The following KIAA1671 variants were observed in gnomAD, a reference collection of about 807,000 sequenced individuals.
The protein encoded by KIAA1671 is uncharacterized protein KIAA1671.
KIAA1671 carries 52 observed loss-of-function variants against 131.2 expected under a neutral mutation model. That is an observed-to-expected ratio of 0.40 (90% CI 0.32 to 0.50). KIAA1671 has a LOEUF of 0.50. Among genes scored for constraint, KIAA1671 ranks in the 20% least tolerant of loss-of-function variants. KIAA1671 has a pLI of 0.73. For missense variants in KIAA1671, 2,360 were observed against 2,364.2 expected, an observed-to-expected ratio of 1.00 and a Z score of 0.04; for synonymous variants, 1,003 against 961.6, an observed-to-expected ratio of 1.04 and a Z score of -0.80.
chr22:25,022,007 C>T (rs1191808081), intron 1 of KIAA1671, among the ~76,000 whole-genome samples: 10 of 152,086 alleles, frequency 6.6e-5, no homozygotes, highest in African/African-American at 2.4e-4. Context: ...ATCTCCTGAC[C>T]TCGTGATCTG....
chr22:24,976,546 C>A (rs1390505716), intron 1 of KIAA1671, among the ~76,000 whole-genome samples: 1 of 152,180 alleles, frequency 6.6e-6, no homozygotes, highest in Non-Finnish European at 1.5e-5. Context: ...CTGGGTGAGG[C>A]TCGAACACCC....
chr22:25,189,535 G>C (rs902802843), intron 11 of KIAA1671, among the ~76,000 whole-genome samples: 7 of 152,038 alleles, frequency 4.6e-5, no homozygotes, highest in African/African-American at 1.7e-4. Context: ...TATCACGGAG[G>C]GTAGTCTGTG....
At chr22:25,020,524 A>T (rs1233209390) in intron 1 of KIAA1671, among the ~76,000 whole-genome samples, 1 of 152,160 alleles carries the variant, frequency 6.6e-6, no homozygotes, top group Admixed American at 6.5e-5. Flanking sequence ...AGATATAGCC[A>T]TGAACAGGAC....
intron 1 of KIAA1671, among the ~76,000 whole-genome samples, chr22:24,975,880 CT>C (rs575977623): frequency 4.6e-4 from 70 of 152,304 alleles, no homozygotes; most frequent in African/African-American, 1.5e-3. Flanking sequence ...GGGGATGCTG[CT>C]GACTCACCAG....
chr22:25,157,982 C>T (rs1334707140), intron 6 of KIAA1671, among the ~76,000 whole-genome samples: 5 of 152,000 alleles, frequency 3.3e-5, no homozygotes, highest in African/African-American at 9.7e-5. Context: ...CCACCACGCC[C>T]GGCTAATTTT....
intron 6 of KIAA1671, among the ~76,000 whole-genome samples, chr22:25,116,989 T>G (rs1931697005): frequency 6.6e-6 from 1 of 152,184 alleles, no homozygotes; most frequent in African/African-American, 2.4e-5. Context: ...CATAATTGTT[T>G]ATGGCTGTGG....
intron 7 of KIAA1671, 34 bp from the exon 8 acceptor site, chr22:25,174,206 T>C (rs1374467729): frequency 2.3e-5 from 35 of 1,548,760 alleles, no homozygotes; most frequent in Non-Finnish European, 2.9e-5. Flanking sequence ...ACGTTCTCCA[T>C]AACCATGTCT....
rs1925914003 is a variant in KIAA1671, at chr22:25,025,725, T to C, written c.-115T>C. 6.6e-6 allele frequency: 1 copy of C among 152,180 alleles called. No individual in the cohort carries two copies. Among genetic ancestry groups the C allele is most frequent in the Non-Finnish European group, 1.5e-5 (1 of 68,060 alleles). The allele number at this position is 152,180 out of a possible 1,614,324, so 9.4% of individuals were successfully genotyped here. On this transcript the variant is annotated 5_prime_UTR_variant, in exon 2 of 13. An upstream start codon of the reference 5' UTR is lost. Transcript: ENST00000358431. ...GTGGACAGCCCCATTCATGATGACATGTGACACTACTGGCTTTTCCCGGCA... is the reference window on the plus strand; with the variant it reads ...GTGGACAGCCCCATTCATGATGACACGTGACACTACTGGCTTTTCCCGGCA...
chr22:25,003,400 ATTTTTTT>A (rs71191013), intron 1 of KIAA1671, among the ~76,000 whole-genome samples: 66 of 113,832 alleles, frequency 5.8e-4, no homozygotes, highest in Admixed American at 3.0e-3. Context: ...ACTTGGAGAG[ATTTTTTT>A]TTTTTTTTTT....
At chr22:24,968,934 C>T (rs1922450802) in intron 1 of KIAA1671, among the ~76,000 whole-genome samples, 1 of 152,186 alleles carries the variant, frequency 6.6e-6, no homozygotes, top group South Asian at 2.1e-4. Flanking sequence ...GGGCCTTGCC[C>T]TGTCACCCAG....
intron 6 of KIAA1671, among the ~76,000 whole-genome samples, chr22:25,155,659 A>G (rs1441975485): frequency 6.6e-6 from 1 of 151,986 alleles, no homozygotes; most frequent in Non-Finnish European, 1.5e-5. Context: ...GTGTGTGCAT[A>G]TGTAAGTATT....
intron 6 of KIAA1671, among the ~76,000 whole-genome samples, chr22:25,159,191 C>T (rs923071379): frequency 6.6e-6 from 1 of 152,114 alleles, no homozygotes; most frequent in African/African-American, 2.4e-5. Flanking sequence ...CACTCCCAGC[C>T]GGGAAACCAA....
chr22:25,039,283 A>G lies in KIAA1671; in HGVS notation c.2153A>G (p.Lys718Arg). ...SENHNNNTFL[K>R]HLENPPTSQR... is the part of the protein sequence containing the mutation. ...AACCACAATAATAACACCTTCCTCA[A>G]ACACTTGGAAAATCCTCCCACATCG... Residue 718 changes from lysine (K) to arginine (R), a missense_variant, in exon 5 of 13, where the codon AAA (lysine) becomes AGA (arginine). Lys to Arg is a conservative substitution (Grantham distance 26). Coordinates refer to ENST00000358431, the MANE Select transcript of KIAA1671 (RefSeq NM_001145206.2). The G allele has an allele frequency of 2.6e-6, 4 of 1,552,232 alleles. No individual in the cohort carries two copies. Among genetic ancestry groups the G allele is most frequent in the Non-Finnish European group, 3.5e-6 (4 of 1,147,096 alleles).
intron 6 of KIAA1671, among the ~76,000 whole-genome samples, chr22:25,093,729 ACACACACACTCTCTCTCTCTCTCT>A (rs1930153808): frequency 1.9e-5 from 1 of 51,304 alleles, no homozygotes; most frequent in South Asian, 5.2e-4. Context: ...ACACACACAC[ACACACACACTCTCTCTCTCTCTCT>A]CTCTCTCTCT....
chr22:25,184,150 G>C (rs1281432667), intron 10 of KIAA1671, among the ~76,000 whole-genome samples: 2 of 152,248 alleles, frequency 1.3e-5, no homozygotes, highest in Non-Finnish European at 2.9e-5. Context: ...TGCAGGGCTT[G>C]TCCTGGAAAG....
chr22:25,150,925 C>T (rs1055428865), intron 6 of KIAA1671, among the ~76,000 whole-genome samples: 5 of 148,182 alleles, frequency 3.4e-5, no homozygotes, highest in African/African-American at 5.0e-5. Context: ...CTCCGCCTCC[C>T]GGGTTCACAC....
At chr22:24,980,984 T>C (rs1923202710) in intron 1 of KIAA1671, among the ~76,000 whole-genome samples, 1 of 151,982 alleles carries the variant, frequency 6.6e-6, no homozygotes, top group South Asian at 2.1e-4. Flanking sequence ...TGACCTCAGG[T>C]GATCTGCCTG....
chr22:25,092,542 G>A (rs1930074394), intron 6 of KIAA1671, among the ~76,000 whole-genome samples: 1 of 152,278 alleles, frequency 6.6e-6, no homozygotes, highest in South Asian at 2.1e-4. Context: ...GTCAAGCCCA[G>A]CCAGGCTGAT....
chr22:25,123,920 T>C (rs1932062468), intron 6 of KIAA1671, among the ~76,000 whole-genome samples: 1 of 152,218 alleles, frequency 6.6e-6, no homozygotes. Context: ...GTGGAAATAG[T>C]CCAAGGATGG....
Sources: allele counts gnomAD v4.1 joint callset (sites outside exome capture counted in the v4.1 genomes callset), GRCh38; gene constraint gnomAD v4.1.1; transcripts MANE v1.5; gene names NCBI Gene and HGNC (gene_info 2026-07-23, HGNC 2026-07-21).